Variants in ELF2 observed in about 807,000 individuals in gnomAD.
ELF2 encodes ETS-related transcription factor Elf-2.
A neutral mutation model predicts 54.8 loss-of-function variants in ELF2; 11 were observed. That is an observed-to-expected ratio of 0.20 (90% confidence interval 0.13 to 0.33). ELF2 has a LOEUF of 0.33. Among genes scored for constraint, ELF2 ranks in the 10% least tolerant of loss-of-function variants. The pLI is 1.00. For synonymous variants in ELF2, 203 were observed against 245.1 expected, an observed-to-expected ratio of 0.83 and a Z score of 1.61; for missense variants, 513 against 703.0, an observed-to-expected ratio of 0.73 and a Z score of 3.06.
intron 4 of ELF2, among the ~76,000 whole-genome samples, chr4:139,109,486 T>C (rs1448876001): frequency 6.6e-6 from 1 of 152,232 alleles, no homozygotes; most frequent in Admixed American, 6.5e-5. Context: ...GGTATAAGGC[T>C]GTTCTATAAG....
Position 139,177,204 on chromosome 4 carries a change from G to C in ELF2, c.-489C>G, listed in dbSNP as rs1743049008. ...AGGCGACGGCGGCGACACAGAGCTTGGCGCTGGGAGCAATGGTTGCCCCCG... is the reference window on the plus strand; with the variant it reads ...AGGCGACGGCGGCGACACAGAGCTTCGCGCTGGGAGCAATGGTTGCCCCCG... On this transcript the variant is annotated 5_prime_UTR_variant, in exon 1 of 10. Coordinates refer to ENST00000686138, the MANE Select transcript of ELF2 (RefSeq NM_001331036.3). The C allele has an allele frequency of 1.3e-5, 2 of 150,954 alleles. No individual in the cohort carries two copies. The highest frequency in any genetic ancestry group is 1.3e-4 in the Admixed American group (2 of 15,216). The allele number at this position is 150,954 out of a possible 1,614,324, so 9.4% of individuals were successfully genotyped here. A position where few individuals can be genotyped will look rare whatever the true frequency, so the allele number is the denominator to read the frequency against.
intron 1 of ELF2, among the ~76,000 whole-genome samples, chr4:139,176,405 C>G (rs926788325): frequency 2.3e-4 from 35 of 152,162 alleles, no homozygotes; most frequent in South Asian, 4.1e-4. Flanking sequence ...GCGCCCCCCC[C>G]CGCCTGCCCG....
At chr4:139,120,614 T>A (rs1334562099) in intron 4 of ELF2, among the ~76,000 whole-genome samples, 2 of 74,280 alleles carry the variant, frequency 2.7e-5, no homozygotes, top group East Asian at 3.2e-4. Context: ...AATTTTTAAA[T>A]TTTTTTTTTA....
At chr4:139,068,044 T>G (rs1274547868) in intron 6 of ELF2, among the ~76,000 whole-genome samples, 1 of 152,036 alleles carries the variant, frequency 6.6e-6, no homozygotes, top group Admixed American at 6.6e-5. Flanking sequence ...TTTTTTTTTT[T>G]GAGACAGAGT....
rs2148653668 is a variant in ELF2, at chr4:139,058,153, G to A, written c.*830C>T. The A allele has an allele frequency of 6.6e-6, 1 of 152,630 alleles. No individual in the cohort carries two copies. The highest frequency in any genetic ancestry group is 2.1e-4 in the South Asian group (1 of 4,830). The allele number at this position is 152,630 out of a possible 1,614,324, so 9.5% of individuals were successfully genotyped here. A position where few individuals can be genotyped will look rare whatever the true frequency, so the allele number is the denominator to read the frequency against. ...AAGGCTAAGTGAGTGACACAGGCATGTTACAGCAAAAGGCCAGAGCCAACT... is the reference window on the plus strand; with the variant it reads ...AAGGCTAAGTGAGTGACACAGGCATATTACAGCAAAAGGCCAGAGCCAACT... On this transcript the variant is annotated 3_prime_UTR_variant, in exon 10 of 10. Transcript: ENST00000686138.
chr4:139,151,033 AAAGAAAGAAAGAAAGAAAGAAAGAAAG>A (rs1381626072), intron 1 of ELF2, among the ~76,000 whole-genome samples: 1,948 of 28,914 alleles, frequency 0.067, 208 homozygotes, highest in Admixed American at 0.32. Flanking sequence ...CAAAAAAAAA[AAAGAAAGAAAGAAAGAAAGAAAGAAAG>A]AAAGAAAGAA....
intron 4 of ELF2, among the ~76,000 whole-genome samples, chr4:139,113,849 T>C (rs1266569473): frequency 1.5e-5 from 1 of 65,842 alleles, no homozygotes; most frequent in Non-Finnish European, 3.2e-5. Flanking sequence ...AGAAAGACCA[T>C]GTCTCAAAAA....
At chr4:139,067,839 T>C (rs942002066) in intron 6 of ELF2, 69 bp from the exon 7 acceptor site, 2 of 1,409,196 alleles carry the variant, frequency 1.4e-6, no homozygotes, top group Non-Finnish European at 2.0e-6. Flanking sequence ...ATTAGCAGAC[T>C]TTCTGATTAC....
At chr4:139,136,180 T>C (rs1257230275) in intron 3 of ELF2, among the ~76,000 whole-genome samples, 2 of 152,164 alleles carry the variant, frequency 1.3e-5, no homozygotes, top group Non-Finnish European at 2.9e-5. Context: ...GAGGTGATCA[T>C]ACAGAAAGTG....
intron 4 of ELF2, among the ~76,000 whole-genome samples, chr4:139,095,909 T>C (rs1733218893): frequency 6.6e-6 from 1 of 152,062 alleles, no homozygotes; most frequent in Non-Finnish European, 1.5e-5. Context: ...CTGGGCACGG[T>C]GGCACACGCC....
chr4:139,109,445 G>C (rs1321813246), intron 4 of ELF2, among the ~76,000 whole-genome samples: 1 of 152,114 alleles, frequency 6.6e-6, no homozygotes, highest in Non-Finnish European at 1.5e-5. Context: ...TGCCAAAGTA[G>C]TACTAACAAG....
chr4:139,134,559 T>G (rs1376670322), intron 3 of ELF2, among the ~76,000 whole-genome samples: 1 of 146,438 alleles, frequency 6.8e-6, no homozygotes, highest in Non-Finnish European at 1.5e-5. Flanking sequence ...ATTGTTTTAT[T>G]TTATGTTATT....
At chr4:139,163,706 G>T (rs1448165311) in intron 1 of ELF2, among the ~76,000 whole-genome samples, 1 of 152,034 alleles carries the variant, frequency 6.6e-6, no homozygotes, top group Non-Finnish European at 1.5e-5. Context: ...TTGAGCCCAG[G>T]AGTTCAAGAC....
At chr4:139,078,171 G>A (rs567601348) in intron 4 of ELF2, among the ~76,000 whole-genome samples, 90 of 152,190 alleles carry the variant, frequency 5.9e-4, no homozygotes, top group African/African-American at 2.1e-3. Flanking sequence ...AGTCTGACAA[G>A]AGGCATACCT....
intron 1 of ELF2, among the ~76,000 whole-genome samples, chr4:139,172,901 G>A (rs964715786): frequency 1.2e-5 from 1 of 85,354 alleles, no homozygotes; most frequent in African/African-American, 4.4e-5. Context: ...GGGGGGGGGG[G>A]GGGGCTATCA....
intron 7 of ELF2, among the ~76,000 whole-genome samples, chr4:139,063,319 A>G (rs1364758207): frequency 6.6e-6 from 1 of 152,148 alleles, no homozygotes; most frequent in African/African-American, 2.4e-5. Context: ...AAAATTTTCT[A>G]ATCGCTTTCT....
intron 4 of ELF2, chr4:139,101,755 C>G (rs1733895610): frequency 6.6e-6 from 1 of 152,086 alleles, no homozygotes; most frequent in African/African-American, 2.4e-5. Flanking sequence ...TTTATGGAGG[C>G]CTCCCTTCCC....
At chr4:139,064,682 C>A (rs1416911813) in intron 7 of ELF2, among the ~76,000 whole-genome samples, 3 of 152,014 alleles carry the variant, frequency 2.0e-5, no homozygotes, top group Non-Finnish European at 4.4e-5. Flanking sequence ...GAGTTTGAGA[C>A]CAACCTGACC....
intron 4 of ELF2, among the ~76,000 whole-genome samples, chr4:139,123,524 A>C (rs1402672918): frequency 6.6e-6 from 1 of 152,196 alleles, no homozygotes; most frequent in African/African-American, 2.4e-5. Flanking sequence ...TACTTGAATT[A>C]ATCTAAATTA....
Sources: gnomAD v4.1 joint callset for allele counts (sites outside exome capture counted in the v4.1 genomes callset) on GRCh38, gnomAD v4.1.1 for gene constraint, MANE v1.5 for transcripts, NCBI Gene and HGNC (gene_info 2026-07-23, HGNC 2026-07-21) for gene names.